Variants in MCPH1 observed in about 807,000 individuals in gnomAD.
MCPH1 encodes the protein microcephalin.
MCPH1 carries 104 observed loss-of-function variants against 84.5 expected under a neutral mutation model. That is an observed-to-expected ratio of 1.23 (90% CI 1.05 to 1.45). MCPH1 has a LOEUF of 1.45. Among genes scored for constraint, MCPH1 ranks in the 40% most tolerant of loss-of-function variants. The pLI is 0.00. For synonymous variants in MCPH1, 514 were observed against 366.8 expected (o/e 1.40, Z -4.58); for missense variants, 1,498 against 1,005.7 (o/e 1.49, Z -6.62).
In MCPH1 at chr8:6,532,284, T is replaced by C. The variant is rs139959242; in HGVS notation, c.2214+32355T>C. The C allele has an allele frequency of 3.8e-5, 62 of 1,611,734 alleles. No individual in the cohort carries two copies. In the African/African-American group the frequency reaches 7.3e-4, roughly 19 times the overall value. ...GGAAGCTCCTGACGCGACTGAGTGC[T>C]AGTCTCTAGCTGCAGGGACACCGTG... is the stretch of plus-strand genomic sequence containing the variant. On this transcript the variant is annotated intron_variant, in intron 12 of 13. Coordinates refer to ENST00000344683, the MANE Select transcript of MCPH1 (RefSeq NM_024596.5).
intron 12 of MCPH1, among the ~76,000 whole-genome samples, chr8:6,519,197 G>T (rs1351354285): frequency 6.6e-6 from 1 of 152,170 alleles, no homozygotes; most frequent in African/African-American, 2.4e-5. Context: ...GGTTCTCATG[G>T]TGTGGACCTC....
chr8:6,536,615 T>A (rs1038201723), intron 12 of MCPH1, among the ~76,000 whole-genome samples: 1 of 152,138 alleles, frequency 6.6e-6, no homozygotes, highest in Non-Finnish European at 1.5e-5. Context: ...CAAAGATTAG[T>A]AGTAATTTTT....
intron 10 of MCPH1, among the ~76,000 whole-genome samples, chr8:6,479,686 T>C (rs1454293044): frequency 6.6e-6 from 1 of 152,110 alleles, no homozygotes; most frequent in Non-Finnish European, 1.5e-5. Flanking sequence ...CCATTGGGGA[T>C]TTTTTAAATT....
At chr8:6,558,447 T>G (rs563207959) in intron 12 of MCPH1, among the ~76,000 whole-genome samples, 1 of 152,350 alleles carries the variant, frequency 6.6e-6, no homozygotes, top group South Asian at 2.1e-4. Flanking sequence ...AAATTTCAAT[T>G]ATTTTATGGA....
At chr8:6,436,672 A>T (rs1385502412) in intron 5 of MCPH1, among the ~76,000 whole-genome samples, 3 of 150,994 alleles carry the variant, frequency 2.0e-5, no homozygotes, top group African/African-American at 7.3e-5. Flanking sequence ...ATATTTTTAT[A>T]TATAAGAATA....
chr8:6,485,542 AAAG>A (rs1341295793), intron 11 of MCPH1, among the ~76,000 whole-genome samples: 11 of 152,038 alleles, frequency 7.2e-5, no homozygotes, highest in African/African-American at 2.7e-4. Context: ...AAAAAAATGA[AAAG>A]AATTTAAAAA....
intron 12 of MCPH1, among the ~76,000 whole-genome samples, chr8:6,533,779 A>G (rs1040935644): frequency 6.6e-6 from 1 of 152,048 alleles, no homozygotes; most frequent in Non-Finnish European, 1.5e-5. Flanking sequence ...TTCTTTATAG[A>G]GAAACCATTC....
chr8:6,578,012 T>A (rs1586692870), intron 12 of MCPH1, among the ~76,000 whole-genome samples: 1 of 152,224 alleles, frequency 6.6e-6, no homozygotes, highest in African/African-American at 2.4e-5. Context: ...TCTCTGAATT[T>A]GAAGCGAGGA....
At chr8:6,641,153 A>G (rs1364491827) in intron 13 of MCPH1, among the ~76,000 whole-genome samples, 1 of 151,956 alleles carries the variant, frequency 6.6e-6, no homozygotes, top group African/African-American at 2.4e-5. Context: ...GAAAAGTTTG[A>G]AATTTTTGGA....
intron 12 of MCPH1, among the ~76,000 whole-genome samples, chr8:6,568,495 G>C (rs568876156): frequency 7.9e-5 from 12 of 152,234 alleles, no homozygotes; most frequent in Non-Finnish European, 1.3e-4. Flanking sequence ...CTGTTGTCCA[G>C]TTTAATGCTC....
At chr8:6,586,814 G>T (rs759705795) in intron 12 of MCPH1, among the ~76,000 whole-genome samples, 2 of 152,176 alleles carry the variant, frequency 1.3e-5, no homozygotes, top group Non-Finnish European at 2.9e-5. Flanking sequence ...CAGGTTGAAG[G>T]GATGAGAGAT....
At chr8:6,515,700 A>C (rs1241329672) in intron 12 of MCPH1, among the ~76,000 whole-genome samples, 3 of 152,208 alleles carry the variant, frequency 2.0e-5, no homozygotes, top group African/African-American at 7.2e-5. Flanking sequence ...AAGTAAGATA[A>C]ATTTTCTGCC....
chr8:6,531,433 T>G (rs1469806809), intron 12 of MCPH1, among the ~76,000 whole-genome samples: 2 of 151,996 alleles, frequency 1.3e-5, no homozygotes, highest in African/African-American at 4.8e-5. Context: ...GGATTGCAGA[T>G]GCCCGCCACC....
chr8:6,623,688 CAAAAAA>C (rs377522481), intron 13 of MCPH1, among the ~76,000 whole-genome samples: 31 of 92,424 alleles, frequency 3.4e-4, no homozygotes, highest in African/African-American at 1.3e-3. Context: ...AACCAACTTC[CAAAAAA>C]AAAAAAAAAA....
chr8:6,478,330 A>G (rs1808745041), intron 10 of MCPH1, among the ~76,000 whole-genome samples: 1 of 152,208 alleles, frequency 6.6e-6, no homozygotes, highest in African/African-American at 2.4e-5. Flanking sequence ...CATACATTAT[A>G]TAGTGAAAAA....
At chr8:6,628,261 G>A (rs113023214) in intron 13 of MCPH1, among the ~76,000 whole-genome samples, 2,098 of 152,070 alleles carry the variant, frequency 0.014, 63 homozygotes, top group African/African-American at 0.048. Flanking sequence ...ATGAGGTCAG[G>A]AGATCGAGAC....
intron 12 of MCPH1, chr8:6,514,816 C>T (rs781279381): frequency 1.5e-5 from 23 of 1,554,324 alleles, no homozygotes; most frequent in South Asian, 3.3e-5. Context: ...GACAGAGCCC[C>T]CCCACTCCCC....
chr8:6,411,836 C>A (rs1421104424), intron 2 of MCPH1, among the ~76,000 whole-genome samples: 2 of 152,088 alleles, frequency 1.3e-5, no homozygotes, highest in Admixed American at 1.3e-4. Context: ...GGGCGGGACG[C>A]GGGCATGTCT....
intron 12 of MCPH1, among the ~76,000 whole-genome samples, chr8:6,594,674 C>T (rs1188477639): frequency 7.3e-6 from 1 of 136,884 alleles, no homozygotes; most frequent in Admixed American, 7.1e-5. Flanking sequence ...CTTCAGTGTT[C>T]TCCTGCAGGG....
Sources: allele counts gnomAD v4.1 joint callset (sites outside exome capture counted in the v4.1 genomes callset), GRCh38; gene constraint gnomAD v4.1.1; transcripts MANE v1.5; gene names NCBI Gene and HGNC (gene_info 2026-07-23, HGNC 2026-07-21).